Variants in LINGO2 observed in about 807,000 individuals in gnomAD.
The protein encoded by LINGO2 is leucine-rich repeat and immunoglobulin-like domain-containing nogo receptor-interacting protein 2.
LINGO2 carries 14 observed loss-of-function variants against 30.6 expected under a neutral mutation model. The observed-to-expected ratio is 0.46, with a 90% confidence interval of 0.30 to 0.72. LINGO2 has a LOEUF of 0.72. Among genes scored for constraint, LINGO2 ranks in the 30% least tolerant of loss-of-function variants. The probability of loss-of-function intolerance (pLI) is 0.07; values close to 1 mark genes in which losing one functional copy is unlikely to be tolerated. For synonymous variants in LINGO2, 317 were observed against 288.5 expected, an observed-to-expected ratio of 1.10 and a Z score of -1.00; for missense variants, 729 against 751.7, an observed-to-expected ratio of 0.97 and a Z score of 0.35.
intron 1 of LINGO2, among the ~76,000 whole-genome samples, chr9:28,610,525 G>T (rs766462037): frequency 1.3e-4 from 20 of 152,092 alleles, no homozygotes; most frequent in Non-Finnish European, 2.5e-4. Context: ...TTATGAAAGG[G>T]CTAGAAAAAA....
chr9:27,952,746 T>C (rs1480043094), intron 5 of LINGO2, among the ~76,000 whole-genome samples: 1 of 152,012 alleles, frequency 6.6e-6, no homozygotes, highest in Non-Finnish European at 1.5e-5. Flanking sequence ...TTCCAATAAA[T>C]TCCAGATGAA....
At chr9:28,729,726 A>G in the LINGO2 span, among the ~76,000 whole-genome samples, 1 of 152,002 alleles carries the variant, frequency 6.6e-6, no homozygotes, top group Non-Finnish European at 1.5e-5. Context: ...TTAAAATCCT[A>G]CTCTCCATTA....
the LINGO2 span, among the ~76,000 whole-genome samples, chr9:28,804,439 C>T: frequency 2.0e-5 from 3 of 151,982 alleles, no homozygotes; most frequent in African/African-American, 2.4e-5. Context: ...ATCAGTTGGG[C>T]CATCTTCTCC....
rs1821746466 is a variant in LINGO2, at chr9:28,240,555, T to G, written c.-87+54653A>C. ...CATACATTAGTGAAAAGACAGTCTC[T>G]TCAATAAATGGTGCTGGGAAAACTG... On this transcript the variant is annotated intron_variant, in intron 4 of 5. Transcript: ENST00000379992. Among the ~76,000 whole-genome samples, 3 of 152,168 alleles carry G rather than the reference T, an allele frequency of 2.0e-5. No individual in the cohort carries two copies. In the South Asian group the frequency reaches 6.2e-4, roughly 32 times the overall value.
Position 27,971,536 on chromosome 9 carries a change from C to T in LINGO2, c.-35-20830G>A, listed in dbSNP as rs375250559. ...TAGCTGGGATTACAGCTGTGCATCA[C>T]CACGCCTGGCTAATTTTTTTTCTTG... On this transcript the variant is annotated intron_variant, in intron 5 of 5. Transcript: ENST00000379992. Among the ~76,000 whole-genome samples the T allele has an allele frequency of 1.8e-3, 277 of 152,186 alleles. 3 individuals carry two copies. Among genetic ancestry groups the T allele is most frequent in the African/African-American group, 6.4e-3 (264 of 41,506 alleles).
the LINGO2 span, among the ~76,000 whole-genome samples, chr9:29,182,016 A>G: frequency 8.5e-5 from 13 of 152,344 alleles, no homozygotes; most frequent in African/African-American, 3.1e-4. Flanking sequence ...CACAGCCTAC[A>G]TGGCCATGGG....
At chr9:28,502,131 G>GACACAC (rs57545947) in intron 1 of LINGO2, among the ~76,000 whole-genome samples, 33,550 of 146,934 alleles carry the variant, frequency 0.23, 3,847 homozygotes, top group East Asian at 0.34. Context: ...GAGAAACACA[G>GACACAC]ACACACACAC....
intron 3 of LINGO2, among the ~76,000 whole-genome samples, chr9:28,302,050 C>T (rs763366853): frequency 6.6e-6 from 1 of 152,148 alleles, no homozygotes; most frequent in Non-Finnish European, 1.5e-5. Flanking sequence ...TACCACCAGA[C>T]CTGCCTTATA....
the LINGO2 span, among the ~76,000 whole-genome samples, chr9:29,107,302 T>C: frequency 6.6e-6 from 1 of 152,160 alleles, no homozygotes; most frequent in East Asian, 1.9e-4. Flanking sequence ...AAATGATTTT[T>C]CTCTATATTA....
chr9:29,169,013 G>C, the LINGO2 span, among the ~76,000 whole-genome samples: 1 of 151,916 alleles, frequency 6.6e-6, no homozygotes, highest in Admixed American at 6.6e-5. Context: ...CAATGGTGTC[G>C]TCTTGGCTAC....
At chr9:28,540,266 C>G (rs1298877434) in intron 1 of LINGO2, among the ~76,000 whole-genome samples, 1 of 150,538 alleles carries the variant, frequency 6.6e-6, no homozygotes, top group African/African-American at 2.5e-5. Context: ...CTGTCTCTCT[C>G]TCTCTCTCTC....
intron 4 of LINGO2, among the ~76,000 whole-genome samples, chr9:28,214,887 T>C (rs1256725081): frequency 1.3e-5 from 2 of 151,750 alleles, no homozygotes; most frequent in Non-Finnish European, 3.0e-5. Flanking sequence ...AATTTAATTA[T>C]AAACACACAG....
chr9:28,404,554 T>C (rs1412731572), intron 2 of LINGO2, among the ~76,000 whole-genome samples: 2 of 152,140 alleles, frequency 1.3e-5, no homozygotes, highest in Admixed American at 6.6e-5. Flanking sequence ...AAAAAATATA[T>C]ATGAAGTATG....
upstream of LINGO2, among the ~76,000 whole-genome samples, chr9:28,672,558 A>G (rs1829063175): frequency 6.6e-6 from 1 of 152,158 alleles, no homozygotes; most frequent in Admixed American, 6.6e-5. Context: ...TATAAGTTGT[A>G]TGTTCCATGA....
At chr9:28,742,101 C>T in the LINGO2 span, among the ~76,000 whole-genome samples, 1 of 151,952 alleles carries the variant, frequency 6.6e-6, no homozygotes, top group Non-Finnish European at 1.5e-5. Flanking sequence ...ATTGGCCTTC[C>T]TAGCACTATG....
Position 28,029,269 on chromosome 9 carries a change from G to C in LINGO2, c.-86-16864C>G, listed in dbSNP as rs551176520. 3.3e-5 allele frequency among the ~76,000 whole-genome samples: 5 copies of C among 152,288 alleles called. No individual in the cohort carries two copies. In the East Asian group the frequency reaches 5.8e-4, roughly 18 times the overall value. ...GAGGCTAGTATAAAATGCGAGGTCA[G>C]ATCCACAGGATCGTTTCTTGGGAGT... On this transcript the variant is annotated intron_variant, in intron 4 of 5. Coordinates refer to ENST00000379992, the Ensembl canonical transcript of LINGO2.
At chr9:28,364,702 A>G (rs1244684378) in intron 3 of LINGO2, among the ~76,000 whole-genome samples, 4 of 152,244 alleles carry the variant, frequency 2.6e-5, no homozygotes, top group African/African-American at 9.6e-5. Flanking sequence ...TCCTTGAAAC[A>G]AAATTCCTTT....
chr9:28,111,073 C>T lies in LINGO2; in HGVS notation c.-86-98668G>A, dbSNP rs566375365. On this transcript the variant is annotated intron_variant, in intron 4 of 5. Transcript: ENST00000379992. ...ATGGAGCCATAAAAAATAATGAGTT[C>T]ATGTCCTTTGCATGGACATGGATGA... Among the ~76,000 whole-genome samples the T allele has an allele frequency of 2.5e-4, 38 of 152,204 alleles. 1 individual carries two copies. In the South Asian group the frequency reaches 7.5e-3, roughly 30 times the overall value.
chr9:28,861,101 A>ATATAAAATATATTTATATAATATAAATT, the LINGO2 span, among the ~76,000 whole-genome samples: 1 of 120,710 alleles, frequency 8.3e-6, no homozygotes, highest in Non-Finnish European at 1.6e-5. Context: ...TTATATAAAT[A>ATATAAAATATATTTATATAATATAAATT]TATAAAATAT....
Sources: allele counts gnomAD v4.1 joint callset (sites outside exome capture counted in the v4.1 genomes callset), GRCh38; gene constraint gnomAD v4.1.1; transcripts MANE v1.5; gene names NCBI Gene and HGNC (gene_info 2026-07-23, HGNC 2026-07-21).